Variants in FRMD4B observed in about 807,000 individuals in gnomAD.
The protein encoded by FRMD4B is FERM domain-containing protein 4B.
Under a neutral mutation model 141.5 loss-of-function variants are expected in FRMD4B, and 74 were observed. That is an observed-to-expected ratio of 0.52 (90% confidence interval 0.43 to 0.63). FRMD4B has a LOEUF of 0.63. FRMD4B is among the 30% of genes least tolerant of loss of function. FRMD4B has a pLI of 0.00. For missense variants in FRMD4B, 1,366 were observed against 1,253.4 expected, an observed-to-expected ratio of 1.09 and a Z score of -1.36; for synonymous variants, 506 against 467.9, an observed-to-expected ratio of 1.08 and a Z score of -1.05.
chr3:69,526,620 T>C (rs749637495), intron 1 of FRMD4B, among the ~76,000 whole-genome samples: 6 of 152,168 alleles, frequency 3.9e-5, no homozygotes, highest in Non-Finnish European at 8.8e-5. Context: ...TAGGCTCCGG[T>C]GCCTCCATTT....
At chr3:69,234,453 T>C (rs988250293) in intron 7 of FRMD4B, among the ~76,000 whole-genome samples, 2 of 152,190 alleles carry the variant, frequency 1.3e-5, no homozygotes, top group Admixed American at 6.6e-5. Context: ...ACCTGGGTGA[T>C]TAGCAGTTTA....
At chr3:69,327,515 T>G (rs1008528604) in intron 1 of FRMD4B, among the ~76,000 whole-genome samples, 2 of 152,222 alleles carry the variant, frequency 1.3e-5, no homozygotes, top group African/African-American at 4.8e-5. Context: ...ATGGAGTACA[T>G]GCTTACTCTC....
intron 2 of FRMD4B, among the ~76,000 whole-genome samples, chr3:69,312,244 G>C (rs1411508196): frequency 6.6e-6 from 1 of 152,214 alleles, no homozygotes; most frequent in Non-Finnish European, 1.5e-5. Flanking sequence ...AATCCTTGCA[G>C]GAGGGCACTC....
chr3:69,422,951 C>A (rs530596538), intron 2 of FRMD4B, among the ~76,000 whole-genome samples: 15 of 152,190 alleles, frequency 9.9e-5, no homozygotes, highest in Admixed American at 2.0e-4. Context: ...TGAGCTCTGA[C>A]TTATATATAT....
chr3:69,229,674 C>T (rs1441314818), intron 7 of FRMD4B, among the ~76,000 whole-genome samples: 1 of 152,164 alleles, frequency 6.6e-6, no homozygotes, highest in South Asian at 2.1e-4. Flanking sequence ...AAGTGTTCAT[C>T]TTCATAAGTT....
rs552175126 is a variant in FRMD4B, at chr3:69,305,675, G to T, written c.324-3240C>A. Among the ~76,000 whole-genome samples, 7 of 152,278 alleles carry T rather than the reference G, an allele frequency of 4.6e-5. No individual in the cohort carries two copies. In the East Asian group the frequency reaches 9.6e-4, roughly 21 times the overall value. On this transcript the variant is annotated intron_variant, in intron 3 of 22. Coordinates refer to ENST00000398540, the MANE Select transcript of FRMD4B (RefSeq NM_015123.3). Reference sequence around the variant, plus strand: ...AGGTTGAGGCAGGAGGATCACTGGAGCCCAGGAGTTCAAGGCTACAGTGAG... The same window carrying T: ...AGGTTGAGGCAGGAGGATCACTGGATCCCAGGAGTTCAAGGCTACAGTGAG...
At chr3:69,313,808 A>G (rs6549198) in intron 1 of FRMD4B, among the ~76,000 whole-genome samples, 50,379 of 151,770 alleles carry the variant, frequency 0.33, 9,594 homozygotes, top group African/African-American at 0.53. Flanking sequence ...CTCCATCCCA[A>G]AGGAAACTAC....
intron 21 of FRMD4B, among the ~76,000 whole-genome samples, chr3:69,178,142 C>T (rs557935207): frequency 6.6e-6 from 1 of 152,328 alleles, no homozygotes; most frequent in South Asian, 2.1e-4. Flanking sequence ...CCATGATACT[C>T]GTTCAAGACT....
rs79726429 is a variant in FRMD4B at position 69,221,288 on chromosome 3, A to G, written c.731+570T>C. Among the ~76,000 whole-genome samples, 885 of 152,300 alleles carry G rather than the reference A, an allele frequency of 5.8e-3. 10 individuals are homozygous for G. The highest frequency in any genetic ancestry group is 0.02 in the African/African-American group (843 of 41,566). ...GTTCTTAATAATGGGTGGTAACTCT[A>G]TAAGTCACAAAATGTAGAAATACAT... On this transcript the variant is annotated intron_variant, in intron 9 of 22. Coordinates refer to ENST00000398540, the MANE Select transcript of FRMD4B (RefSeq NM_015123.3).
At position 69,182,703 on chromosome 3, in the gene FRMD4B, G is replaced by A. The variant is rs763575809; in HGVS notation, c.1934C>T (p.Thr645Ile). 2 of 1,611,500 alleles carry A rather than the reference G, an allele frequency of 1.2e-6. No individual in the cohort carries two copies. Among genetic ancestry groups the A allele is most frequent in the South Asian group, 1.1e-5 (1 of 90,912 alleles). ...CAGAGTTTTGTAAGGGCTGCTGTGT[G>A]TGGACAGCATTTCTCTGTGATGATA... The part of the protein sequence containing the change: ...DTRQSREMLS[T>I]HSSPYKTLER... Residue 645 changes from threonine (T) to isoleucine (I), a missense_variant, in exon 20 of 23, where the codon ACA becomes ATA. Transcript: ENST00000398540.
chr3:69,423,562 T>A (rs1389545067), intron 2 of FRMD4B, among the ~76,000 whole-genome samples: 10 of 152,200 alleles, frequency 6.6e-5, no homozygotes, highest in Non-Finnish European at 1.3e-4. Context: ...ACTGCTAAAT[T>A]AGCTGTGGTA....
intron 22 of FRMD4B, among the ~76,000 whole-genome samples, chr3:69,175,271 C>A (rs1483337698): frequency 6.6e-6 from 1 of 152,158 alleles, no homozygotes; most frequent in Non-Finnish European, 1.5e-5. Context: ...AGAAAATGCC[C>A]TACTTCTTGG....
At chr3:69,523,133 A>C (rs1257269067) in intron 1 of FRMD4B, among the ~76,000 whole-genome samples, 2 of 149,840 alleles carry the variant, frequency 1.3e-5, no homozygotes, top group African/African-American at 2.5e-5. Context: ...AAAAAAAAAA[A>C]CAACTAGAGA....
chr3:69,370,527 G>A (rs770717066), intron 1 of FRMD4B, among the ~76,000 whole-genome samples: 6 of 152,336 alleles, frequency 3.9e-5, no homozygotes, highest in Middle Eastern at 3.4e-3. Flanking sequence ...TGAAATGGTC[G>A]TTAGAGAAGC....
chr3:69,208,227 C>T (rs1027805280), intron 11 of FRMD4B, among the ~76,000 whole-genome samples: 1 of 152,094 alleles, frequency 6.6e-6, no homozygotes, highest in African/African-American at 2.4e-5. Context: ...CCACACCCGG[C>T]TAATTTTTTG....
rs1490031704 is a variant in FRMD4B, at chr3:69,187,785, T to G, written c.1904A>C (p.Asp635Ala). The change falls in exon 19 of 23, where the codon GAT becomes GCT. Residue 635 changes from aspartate (D) to alanine (A), a missense_variant. Physicochemically the swap from Asp to Ala is moderately radical, Grantham distance 126. Transcript: ENST00000398540. ...GACCTCTCACCTGGACTGCCTGGTATCCACAAACTGTTCATTGATGGACGA... is the reference window on the plus strand; with the variant it reads ...GACCTCTCACCTGGACTGCCTGGTAGCCACAAACTGTTCATTGATGGACGA... Reference protein sequence around the residue: ...RKSSINEQFVDTRQSREMLST... With the variant: ...RKSSINEQFVATRQSREMLST... The G allele has an allele frequency of 1.2e-6, 2 of 1,612,358 alleles. No individual in the cohort carries two copies. Among genetic ancestry groups the G allele is most frequent in the African/African-American group, 2.7e-5 (2 of 74,820 alleles).
chr3:69,181,353 T>C lies in FRMD4B; in HGVS notation c.2397A>G (p.Pro799=), dbSNP rs750167192. ...RNGVYSKSQE[P]PSSSYYIAGY... ...CGGCAATGTAGTAACTGGAAGACGG[T>C]GGCTCCTGACTCTTTGAGTAAACAC... Residue 799 remains proline, a synonymous_variant, in exon 21 of 23, where the codon CCA becomes CCG. Coordinates refer to ENST00000398540, the MANE Select transcript of FRMD4B (RefSeq NM_015123.3). 1 of 1,613,918 alleles carries C rather than the reference T, an allele frequency of 6.2e-7. No homozygotes were observed. Among genetic ancestry groups the C allele is most frequent in the Non-Finnish European group, 8.5e-7 (1 of 1,179,814 alleles).
At chr3:69,175,932 C>G (rs1293032263) in intron 22 of FRMD4B, among the ~76,000 whole-genome samples, 1 of 151,968 alleles carries the variant, frequency 6.6e-6, no homozygotes, top group African/African-American at 2.4e-5. Flanking sequence ...AAGCGCCCGC[C>G]ACCATGCCCA....
chr3:69,406,047 A>G (rs1704643363), intron 2 of FRMD4B, among the ~76,000 whole-genome samples: 1 of 152,190 alleles, frequency 6.6e-6, no homozygotes, highest in Non-Finnish European at 1.5e-5. Flanking sequence ...TATCAATAAC[A>G]CCACATTATT....
Sources: gnomAD v4.1 joint callset for allele counts (sites outside exome capture counted in the v4.1 genomes callset) on GRCh38, gnomAD v4.1.1 for gene constraint, MANE v1.5 for transcripts, NCBI Gene and HGNC (gene_info 2026-07-23, HGNC 2026-07-21) for gene names.